The following ABI1 variants were observed in gnomAD, a reference collection of about 807,000 sequenced individuals.
ABI1 encodes abl interactor 1.
In ABI1, 14 loss-of-function variants were observed where a neutral mutation model predicts 54.6. The observed-to-expected ratio is 0.26, with a 90% CI of 0.17 to 0.40. The LOEUF is 0.40. ABI1 is among the 10% of genes least tolerant of loss of function. The probability of loss-of-function intolerance (pLI) is 1.00; values close to 1 mark genes in which losing one functional copy is unlikely to be tolerated. For synonymous variants in ABI1, 194 were observed against 209.3 expected, an observed-to-expected ratio of 0.93 and a Z score of 0.63; for missense variants, 443 against 598.3, an observed-to-expected ratio of 0.74 and a Z score of 2.71.
intron 7 of ABI1, among the ~76,000 whole-genome samples, chr10:26,761,537 T>C (rs1173712533): frequency 6.8e-6 from 1 of 147,146 alleles, no homozygotes; most frequent in Non-Finnish European, 1.5e-5. Context: ...CACTGAGGCT[T>C]CCTGTGTGCT....
chr10:26,851,548 T>C (rs906664997), intron 1 of ABI1, among the ~76,000 whole-genome samples: 1 of 151,672 alleles, frequency 6.6e-6, no homozygotes, highest in Non-Finnish European at 1.5e-5. Context: ...AGTTACTAGA[T>C]GAGTATATGA....
chr10:26,757,576 C>T (rs945725915), intron 8 of ABI1, among the ~76,000 whole-genome samples: 1 of 152,062 alleles, frequency 6.6e-6, no homozygotes, highest in African/African-American at 2.4e-5. Flanking sequence ...TAGACAGACA[C>T]TGGCTACCTT....
intron 10 of ABI1, 118 bp from the exon 11 acceptor site, chr10:26,748,863 TA>T (rs1837247158): frequency 7.9e-6 from 6 of 760,290 alleles, no homozygotes; most frequent in Admixed American, 3.0e-5. Context: ...GAAGATTTCT[TA>T]ATTTTTGTAT....
intron 1 of ABI1, among the ~76,000 whole-genome samples, chr10:26,830,132 G>A (rs1415918108): frequency 6.6e-6 from 1 of 152,152 alleles, no homozygotes; most frequent in Non-Finnish European, 1.5e-5. Flanking sequence ...GCTAAGTAGT[G>A]TTCTATTGTA....
At chr10:26,838,994 G>A (rs572484459) in intron 1 of ABI1, among the ~76,000 whole-genome samples, 15 of 152,250 alleles carry the variant, frequency 9.9e-5, no homozygotes, top group Admixed American at 2.6e-4. Context: ...TCTGCATACC[G>A]CATGAATTTT....
chr10:26,824,118 AG>A (rs530371262), intron 1 of ABI1, among the ~76,000 whole-genome samples: 105 of 152,326 alleles, frequency 6.9e-4, no homozygotes, highest in South Asian at 2.1e-3. Context: ...GAGATCTAAC[AG>A]AAAGCTCACC....
chr10:26,813,323 C>T (rs1455344065), intron 2 of ABI1, among the ~76,000 whole-genome samples: 4 of 151,726 alleles, frequency 2.6e-5, no homozygotes, highest in Non-Finnish European at 4.4e-5. Context: ...TACCAACAGT[C>T]CATTAGGAAT....
At chr10:26,817,209 A>T (rs2133686582) in intron 2 of ABI1, among the ~76,000 whole-genome samples, 1 of 152,200 alleles carries the variant, frequency 6.6e-6, no homozygotes, top group Non-Finnish European at 1.5e-5. Context: ...CATGTTGGCC[A>T]GGCTGGTCTC....
At chr10:26,751,925 G>T in intron 9 of ABI1, 142 bp from the exon 10 acceptor site, 1 of 791,950 alleles carries the variant, frequency 1.3e-6, no homozygotes, top group Non-Finnish European at 1.9e-6. Flanking sequence ...AAAGCTTGGT[G>T]TGTTAAAGTT....
intron 1 of ABI1, among the ~76,000 whole-genome samples, chr10:26,827,702 C>T (rs1039613082): frequency 6.6e-6 from 1 of 151,186 alleles, no homozygotes; most frequent in African/African-American, 2.4e-5. Flanking sequence ...AAGCAATTCT[C>T]CTGCCTCAGC....
At chr10:26,803,269 C>T (rs2046677455) in intron 2 of ABI1, among the ~76,000 whole-genome samples, 1 of 152,086 alleles carries the variant, frequency 6.6e-6, no homozygotes, top group Admixed American at 6.6e-5. Context: ...GAAATAAGAT[C>T]AATCTTTTAT....
intron 1 of ABI1, among the ~76,000 whole-genome samples, chr10:26,853,309 TTTTA>T (rs995141877): frequency 4.7e-5 from 7 of 148,162 alleles, no homozygotes; most frequent in African/African-American, 1.8e-4. Context: ...CCTTTTTTTT[TTTTA>T]AAAAAAATCC....
rs192571820 is a variant in ABI1, at chr10:26,846,236, C to G, written c.117+14511G>C. Among the ~76,000 whole-genome samples, 65 of 152,224 alleles carry G rather than the reference C, an allele frequency of 4.3e-4. 1 individual carries two copies. In the East Asian group the frequency reaches 0.01, roughly 23 times the overall value. ...CAATCTGTTCTGAACTCCTTCCAAT[C>G]TGTAGTCAATCCTCCTTCCAATCTG... On this transcript the variant is annotated intron_variant, in intron 1 of 10. Coordinates refer to ENST00000376140, the MANE Select transcript of ABI1 (RefSeq NM_001012750.3).
chr10:26,765,967 T>C (rs1199980584), intron 6 of ABI1, among the ~76,000 whole-genome samples: 1 of 152,084 alleles, frequency 6.6e-6, no homozygotes, highest in African/African-American at 2.4e-5. Context: ...AACAATGCAG[T>C]CATGAACTAC....
intron 3 of ABI1, among the ~76,000 whole-genome samples, chr10:26,773,204 T>G (rs1261894886): frequency 6.9e-6 from 1 of 144,576 alleles, no homozygotes; most frequent in Non-Finnish European, 1.5e-5. Context: ...ACTAAATGTC[T>G]AATGCTAATT....
intron 2 of ABI1, among the ~76,000 whole-genome samples, chr10:26,782,208 A>G (rs1224386388): frequency 6.6e-6 from 1 of 152,174 alleles, no homozygotes. Flanking sequence ...TACTTTCCAC[A>G]TCATTTGCAA....
rs143669523 is a variant in ABI1 at position 26,767,774 on chromosome 10, C to T, written c.719+1078G>A. Among the ~76,000 whole-genome samples, 601 of 152,194 alleles carry T rather than the reference C, an allele frequency of 3.9e-3. 3 individuals carry two copies. The highest frequency in any genetic ancestry group is 0.014 in the African/African-American group (564 of 41,516). ...AAAATAATAAATACAAGGCCAGGAG[C>T]GGTGGATCATGCCTGTAATCCCAAC... is the stretch of plus-strand genomic sequence containing the variant. On this transcript the variant is annotated intron_variant, in intron 6 of 10. Coordinates refer to ENST00000376140, the MANE Select transcript of ABI1 (RefSeq NM_001012750.3).
At position 26,748,649 on chromosome 10, in the gene ABI1, C is replaced by T; in HGVS notation, c.1367G>A (p.Trp456Ter). Residue 456 changes from tryptophan to a stop codon, truncating the protein, a stop_gained, in exon 11 of 11, where the codon TGG (tryptophan) becomes TAG (stop). Coordinates refer to ENST00000376140, the MANE Select transcript of ABI1 (RefSeq NM_001012750.3). LOFTEE classifies it high-confidence loss of function. Reference protein sequence around the residue: ...IYVIKKNDDGWYEGVCNRVTG... With the variant: ...IYVIKKNDDG ...CACTCGATTGCAGACTCCTTCATAC[C>T]AGCCATCATCATTCTTCTTTATAAC... 6.2e-7 allele frequency: 1 copy of T among 1,613,480 alleles called. No individual in the cohort carries two copies. Among genetic ancestry groups the T allele is most frequent in the South Asian group, 1.1e-5 (1 of 91,064 alleles).
At chr10:26,819,648 T>C (rs976866726) in intron 2 of ABI1, among the ~76,000 whole-genome samples, 1 of 152,044 alleles carries the variant, frequency 6.6e-6, no homozygotes, top group Non-Finnish European at 1.5e-5. Context: ...CACAAAACAT[T>C]TACCAAGACA....
Sources: allele counts gnomAD v4.1 joint callset (sites outside exome capture counted in the v4.1 genomes callset), GRCh38; gene constraint gnomAD v4.1.1; transcripts MANE v1.5; gene names NCBI Gene and HGNC (gene_info 2026-07-23, HGNC 2026-07-21).